The following PCDH15 variants were observed in gnomAD, a reference collection of about 807,000 sequenced individuals.
PCDH15 encodes protocadherin related 15.
A neutral mutation model predicts 178.5 loss-of-function variants in PCDH15; 129 were observed. The observed-to-expected ratio is 0.72, with a 90% CI of 0.63 to 0.84. The LOEUF is 0.84. Ranked by LOEUF, PCDH15 falls within the 40% of genes least tolerant of loss-of-function variation. The pLI is 0.00. For missense variants in PCDH15, 2,230 were observed against 2,099.9 expected (o/e 1.06, Z -1.21); for synonymous variants, 800 against 732.0 (o/e 1.09, Z -1.50).
chr10:54,516,087 C>A (rs529045100), intron 3 of PCDH15, among the ~76,000 whole-genome samples: 3 of 152,242 alleles, frequency 2.0e-5, no homozygotes, highest in African/African-American at 4.8e-5. Context: ...AAAAGCAGAG[C>A]GCCTCTCCTC....
intron 2 of PCDH15, among the ~76,000 whole-genome samples, chr10:55,057,489 C>G (rs1841333241): frequency 6.6e-6 from 1 of 152,040 alleles, no homozygotes; most frequent in South Asian, 2.1e-4. Flanking sequence ...ACTCAAGAAG[C>G]AATTTGAGCC....
intron 3 of PCDH15, among the ~76,000 whole-genome samples, chr10:54,855,376 G>A (rs1953719841): frequency 6.6e-6 from 1 of 152,184 alleles, no homozygotes; most frequent in Non-Finnish European, 1.5e-5. Flanking sequence ...GGCTTGGGCA[G>A]CTGCAGAGGC....
intron 2 of PCDH15, among the ~76,000 whole-genome samples, chr10:55,080,392 C>G (rs1178211312): frequency 6.6e-6 from 1 of 152,098 alleles, no homozygotes; most frequent in Non-Finnish European, 1.5e-5. Flanking sequence ...GCCTGATGAT[C>G]TGAGGTGGAA....
intron 3 of PCDH15, among the ~76,000 whole-genome samples, chr10:54,834,630 C>T (rs1337762750): frequency 3.3e-5 from 5 of 151,954 alleles, no homozygotes; most frequent in African/African-American, 1.2e-4. Flanking sequence ...ATAATTCTCT[C>T]TATTAGAATA....
intron 2 of PCDH15, among the ~76,000 whole-genome samples, chr10:54,901,136 C>T (rs1327302194): frequency 6.6e-6 from 1 of 151,870 alleles, no homozygotes; most frequent in East Asian, 1.9e-4. Flanking sequence ...CAAAGTAAGA[C>T]CCCCCTCCAC....
intron 2 of PCDH15, among the ~76,000 whole-genome samples, chr10:54,536,572 G>A (rs1186545652): frequency 6.6e-6 from 1 of 152,078 alleles, no homozygotes; most frequent in African/African-American, 2.4e-5. Flanking sequence ...TAAGGTTTGG[G>A]ATATGATTGA....
intron 3 of PCDH15, among the ~76,000 whole-genome samples, chr10:54,464,373 A>G (rs1565344069): frequency 6.6e-6 from 1 of 152,284 alleles, no homozygotes; most frequent in South Asian, 2.1e-4. Flanking sequence ...AAAATAAATA[A>G]ATGTGATTGA....
intron 1 of PCDH15, among the ~76,000 whole-genome samples, chr10:55,241,261 A>G (rs1273468750): frequency 6.6e-6 from 1 of 152,134 alleles, no homozygotes; most frequent in Admixed American, 6.6e-5. Flanking sequence ...CTCTTCAGCA[A>G]AAACTATCAC....
chr10:54,351,260 T>C (rs1452006242), intron 5 of PCDH15, among the ~76,000 whole-genome samples: 1 of 152,116 alleles, frequency 6.6e-6, no homozygotes, highest in Non-Finnish European at 1.5e-5. Flanking sequence ...AACTACCTTA[T>C]TATCATTACA....
At chr10:54,308,911 A>T (rs2060719662) in intron 8 of PCDH15, among the ~76,000 whole-genome samples, 2 of 152,078 alleles carry the variant, frequency 1.3e-5, no homozygotes, top group South Asian at 4.1e-4. Flanking sequence ...GGGAAGAACA[A>T]AATGGCAGTC....
chr10:55,048,136 C>T (rs968739174), intron 2 of PCDH15, among the ~76,000 whole-genome samples: 18 of 151,782 alleles, frequency 1.2e-4, no homozygotes, highest in African/African-American at 4.1e-4. Context: ...GGAGGAGAAT[C>T]ATGAAAAAAG....
intron 2 of PCDH15, among the ~76,000 whole-genome samples, chr10:55,341,791 ATATATATATATATATTTTTTTTTTT>A (rs1301673136): frequency 0.064 from 866 of 13,430 alleles, 26 homozygotes; most frequent in Non-Finnish European, 0.1. Context: ...ATATATATAT[ATATATATATATATATTTTTTTTTTT>A]TTTTTTTTTT....
chr10:55,221,288 G>C (rs1840868428), intron 1 of PCDH15, among the ~76,000 whole-genome samples: 1 of 152,050 alleles, frequency 6.6e-6, no homozygotes, highest in Non-Finnish European at 1.5e-5. Flanking sequence ...CATGAGCAGT[G>C]ATGTGCTGTT....
chr10:54,444,233 T>C (rs2076010786), intron 3 of PCDH15, among the ~76,000 whole-genome samples: 2 of 151,568 alleles, frequency 1.3e-5, no homozygotes, highest in Admixed American at 1.3e-4. Context: ...ACAAAGAGTT[T>C]GCTTCACATC....
Position 54,554,395 on chromosome 10 carries a change from G to A in PCDH15, c.92-26518C>T, listed in dbSNP as rs150574992. On this transcript the variant is annotated intron_variant, in intron 2 of 37. Coordinates refer to ENST00000644397, the MANE Select transcript of PCDH15 (RefSeq NM_001384140.1). ...TAGAATCATTCTAACAACATATATC[G>A]TAGGTTTCCCAGATCTACGTAAGTG... Among the ~76,000 whole-genome samples the A allele has an allele frequency of 4.6e-5, 7 of 152,158 alleles. No homozygotes were observed. The East Asian group carries it at 7.7e-4, about 17-fold the overall frequency.
intron 2 of PCDH15, among the ~76,000 whole-genome samples, chr10:55,604,543 A>G (rs7917048): frequency 0.26 from 33,935 of 130,418 alleles, 1,893 homozygotes; most frequent in East Asian, 0.38. Flanking sequence ...ATAACAAACT[A>G]TCTCTCAGAC....
At chr10:54,066,533 A>G (rs2094139904) in intron 18 of PCDH15, among the ~76,000 whole-genome samples, 1 of 152,216 alleles carries the variant, frequency 6.6e-6, no homozygotes, top group African/African-American at 2.4e-5. Context: ...ATACTATCAC[A>G]TTAATCAATG....
At chr10:54,357,725 C>G (rs931351382) in intron 5 of PCDH15, among the ~76,000 whole-genome samples, 2 of 151,976 alleles carry the variant, frequency 1.3e-5, no homozygotes, top group African/African-American at 4.8e-5. Flanking sequence ...AAGCCAAAAC[C>G]ACAAAGCTGG....
intron 1 of PCDH15, among the ~76,000 whole-genome samples, chr10:55,197,587 C>G (rs542602870): frequency 6.6e-6 from 1 of 151,994 alleles, no homozygotes; most frequent in Non-Finnish European, 1.5e-5. Flanking sequence ...TCTGGGTCAC[C>G]AAACAAAATG....
Sources: allele counts gnomAD v4.1 joint callset (sites outside exome capture counted in the v4.1 genomes callset), GRCh38; gene constraint gnomAD v4.1.1; transcripts MANE v1.5; gene names NCBI Gene and HGNC (gene_info 2026-07-23, HGNC 2026-07-21).